Variants in ZNF679 observed in about 807,000 individuals in gnomAD.
ZNF679 encodes the protein zinc finger protein 679, also known as hypothetical protein MGC42415.
In ZNF679, 10 loss-of-function variants were observed where a neutral mutation model predicts 13.4. The observed-to-expected ratio is 0.75, with a 90% confidence interval of 0.46 to 1.27. The LOEUF is 1.27. Among genes scored for constraint, ZNF679 ranks in the 50% most tolerant of loss-of-function variants. The pLI, the probability that ZNF679 is intolerant of heterozygous loss-of-function variation, is 0.00. For missense variants in ZNF679, 525 were observed against 477.8 expected (o/e 1.10, Z -0.92); for synonymous variants, 179 against 162.5 (o/e 1.10, Z -0.77).
intron 2 of ZNF679, among the ~76,000 whole-genome samples, chr7:64,251,280 C>T (rs1787941243): frequency 6.6e-6 from 1 of 151,924 alleles, no homozygotes. Flanking sequence ...GATGAAACCC[C>T]ATCTCTACTA....
chr7:64,230,553 A>G (rs1787624009), intron 1 of ZNF679, among the ~76,000 whole-genome samples: 1 of 151,904 alleles, frequency 6.6e-6, no homozygotes, highest in African/African-American at 2.4e-5. Context: ...AAAAAAAAAA[A>G]AAAGAAAAAG....
intron 1 of ZNF679, among the ~76,000 whole-genome samples, chr7:64,236,876 AAG>A (rs1352850522): frequency 2.1e-5 from 3 of 139,800 alleles, no homozygotes; most frequent in Non-Finnish European, 4.8e-5. Context: ...AGAAAGAAGA[AAG>A]AGAAAGAAAG....
chr7:64,248,718 C>G (rs1159039144), intron 1 of ZNF679, among the ~76,000 whole-genome samples: 4 of 152,120 alleles, frequency 2.6e-5, no homozygotes, highest in Non-Finnish European at 5.9e-5. Context: ...TTATGAATAA[C>G]TATATTATAT....
intron 1 of ZNF679, among the ~76,000 whole-genome samples, chr7:64,232,611 G>A (rs141158713): frequency 1.2e-4 from 18 of 152,274 alleles, no homozygotes; most frequent in East Asian, 5.8e-4. Flanking sequence ...GCTTGGCCCC[G>A]TGATATGGTT....
intron 2 of ZNF679, among the ~76,000 whole-genome samples, chr7:64,249,991 G>A (rs754350267): frequency 5.3e-5 from 8 of 151,896 alleles, no homozygotes; most frequent in Non-Finnish European, 8.8e-5. Flanking sequence ...ATGGGTGCCC[G>A]CCACCGTGCC....
At position 64,266,742 on chromosome 7, in the gene ZNF679, A is replaced by G. The variant is rs1313135609; in HGVS notation, c.1109A>G (p.His370Arg). ...AFAFSSTLNTHKRIHTGEEPY... is the reference protein window; with the variant it reads ...AFAFSSTLNTRKRIHTGEEPY... ...GCCTTCTCCTCAACTCTTAATACTC[A>G]TAAGAGGATTCATACTGGAGAGGAA... Residue 370 changes from histidine to arginine, a missense_variant, in exon 5 of 5, where the codon CAT (histidine) becomes CGT (arginine). His to Arg is a conservative substitution (Grantham distance 29, BLOSUM62 0). Transcript: ENST00000421025. 2 of 1,611,536 alleles carry G rather than the reference A, an allele frequency of 1.2e-6. No homozygotes were observed. The highest frequency in any genetic ancestry group is 2.2e-5 in the East Asian group (1 of 44,642).
At chr7:64,257,016 T>C (rs1340586629) in intron 2 of ZNF679, among the ~76,000 whole-genome samples, 1 of 152,180 alleles carries the variant, frequency 6.6e-6, no homozygotes, top group Non-Finnish European at 1.5e-5. Context: ...TTTATGGTTA[T>C]TTATGTCTCA....
chr7:64,251,685 T>C (rs1334236835), intron 2 of ZNF679, among the ~76,000 whole-genome samples: 1 of 152,184 alleles, frequency 6.6e-6, no homozygotes, highest in Non-Finnish European at 1.5e-5. Context: ...ATACCCACCG[T>C]GACCATGTCT....
Position 64,266,308 on chromosome 7 carries a change from A to G in ZNF679, c.675A>G (p.Ser225=). ...EECGKPFNCS[S]TLSKHKRIHT... ...GCGGCAAACCCTTCAACTGCTCTTC[A>G]ACCCTTTCTAAACATAAAAGAATTC... Residue 225 remains serine (S), a synonymous_variant, in exon 5 of 5, where the codon TCA becomes TCG. Coordinates refer to ENST00000421025, the MANE Select transcript of ZNF679 (RefSeq NM_153363.3). 1 of 1,610,658 alleles carries G rather than the reference A, an allele frequency of 6.2e-7. No individual in the cohort carries two copies. Among genetic ancestry groups the G allele is most frequent in the Non-Finnish European group, 8.5e-7 (1 of 1,178,346 alleles).
intron 1 of ZNF679, among the ~76,000 whole-genome samples, chr7:64,229,269 G>A (rs146622839): frequency 4.6e-5 from 7 of 152,190 alleles, no homozygotes; most frequent in Admixed American, 2.0e-4. Context: ...TATACTGTAC[G>A]CATGAGTGTT....
intron 1 of ZNF679, among the ~76,000 whole-genome samples, chr7:64,236,874 GA>G: frequency 8.4e-6 from 1 of 119,086 alleles, no homozygotes; most frequent in East Asian, 2.6e-4. Context: ...AAAGAAAGAA[GA>G]AAGAGAAAGA....
chr7:64,254,346 A>G, intron 2 of ZNF679, among the ~76,000 whole-genome samples: 1 of 151,828 alleles, frequency 6.6e-6, no homozygotes, highest in Admixed American at 6.6e-5. Context: ...CAAACTCCTG[A>G]CCTCAGGTGA....
At chr7:64,243,591 C>T (rs777495876) in intron 1 of ZNF679, among the ~76,000 whole-genome samples, 2 of 152,078 alleles carry the variant, frequency 1.3e-5, no homozygotes, top group Non-Finnish European at 2.9e-5. Flanking sequence ...TGGACTGGCC[C>T]AGGCAGAAAG....
At chr7:64,229,870 A>G (rs1436423724) in intron 1 of ZNF679, among the ~76,000 whole-genome samples, 2 of 152,180 alleles carry the variant, frequency 1.3e-5, no homozygotes, top group Admixed American at 6.5e-5. Flanking sequence ...ATATGTCAGC[A>G]TTCTCCTTGT....
At chr7:64,255,818 A>G (rs1158394474) in intron 2 of ZNF679, among the ~76,000 whole-genome samples, 3 of 152,112 alleles carry the variant, frequency 2.0e-5, no homozygotes, top group East Asian at 3.9e-4. Context: ...CATGTTGGCC[A>G]GGCTTGTCTT....
At chr7:64,232,163 G>A (rs781004583) in intron 1 of ZNF679, among the ~76,000 whole-genome samples, 8 of 152,234 alleles carry the variant, frequency 5.3e-5, no homozygotes, top group Admixed American at 4.6e-4. Flanking sequence ...CATCCTGGGC[G>A]ACAGAGTGAA....
intron 2 of ZNF679, among the ~76,000 whole-genome samples, chr7:64,250,930 C>T (rs969955012): frequency 5.3e-5 from 8 of 152,156 alleles, no homozygotes; most frequent in African/African-American, 1.9e-4. Context: ...TTCCCTGTTC[C>T]CACAGACTAA....
chr7:64,260,812 CT>C (rs772919678), intron 3 of ZNF679, 21 bp from the exon 4 acceptor site: 14 of 1,586,512 alleles, frequency 8.8e-6, no homozygotes, highest in East Asian at 4.5e-5. Context: ...ATTTATGTTA[CT>C]TTTTTTTCTT....
chr7:64,261,815 T>C (rs1469625776), intron 4 of ZNF679, among the ~76,000 whole-genome samples: 1 of 152,034 alleles, frequency 6.6e-6, no homozygotes, highest in African/African-American at 2.4e-5. Flanking sequence ...TTGTATATCT[T>C]TTTTTATTAA....
Sources: gnomAD v4.1 joint callset for allele counts (sites outside exome capture counted in the v4.1 genomes callset) on GRCh38, gnomAD v4.1.1 for gene constraint, MANE v1.5 for transcripts, NCBI Gene and HGNC (gene_info 2026-07-23, HGNC 2026-07-21) for gene names.